Variants in ARNT2 observed in about 807,000 individuals in gnomAD.
The protein encoded by ARNT2 is ARNT protein 2.
Under a neutral mutation model 91.7 loss-of-function variants are expected in ARNT2, and 36 were observed. The observed-to-expected ratio is 0.39, with a 90% confidence interval of 0.30 to 0.52. The LOEUF is 0.52. Among genes scored for constraint, ARNT2 ranks in the 20% least tolerant of loss-of-function variants. The probability of loss-of-function intolerance (pLI) is 0.72; values close to 1 mark genes in which losing one functional copy is unlikely to be tolerated. For missense variants in ARNT2, 775 were observed against 939.3 expected (o/e 0.83, Z 2.29); for synonymous variants, 365 against 347.1 (o/e 1.05, Z -0.57).
At chr15:80,582,467 G>GCCTGGGTGACACAGTGAGAC (rs1207687025) in intron 17 of ARNT2, among the ~76,000 whole-genome samples, 1 of 152,052 alleles carries the variant, frequency 6.6e-6, no homozygotes, top group Non-Finnish European at 1.5e-5. Context: ...CTGCACTCCA[G>GCCTGGGTGACACAGTGAGAC]CCTGGGTGAC....
chr15:80,593,109 G>GTTT (rs1893310012), intron 18 of ARNT2, among the ~76,000 whole-genome samples: 1 of 152,214 alleles, frequency 6.6e-6, no homozygotes, highest in Admixed American at 6.5e-5. Flanking sequence ...GAGGCCCAGA[G>GTTT]GACTGGAAAG....
intron 12 of ARNT2, among the ~76,000 whole-genome samples, chr15:80,566,182 C>T (rs1444307405): frequency 5.3e-5 from 8 of 149,698 alleles, no homozygotes; most frequent in Non-Finnish European, 1.2e-4. Context: ...AGCGACTTGG[C>T]AGTTTCTTGG....
At chr15:80,416,374 A>G (rs150554564) in intron 1 of ARNT2, among the ~76,000 whole-genome samples, 1 of 152,146 alleles carries the variant, frequency 6.6e-6, no homozygotes, top group East Asian at 1.9e-4. Flanking sequence ...CTAACTCTAA[A>G]TGCTTCAAGG....
intron 3 of ARNT2, among the ~76,000 whole-genome samples, chr15:80,460,663 G>A (rs548230589): frequency 7.9e-5 from 12 of 152,220 alleles, no homozygotes; most frequent in South Asian, 2.1e-4. Context: ...ACGGGGACCC[G>A]GGGGACAGAA....
intron 1 of ARNT2, among the ~76,000 whole-genome samples, chr15:80,446,737 C>G (rs1347600529): frequency 1.3e-5 from 2 of 149,814 alleles, no homozygotes; most frequent in Non-Finnish European, 3.0e-5. Flanking sequence ...TGGCAGAGTG[C>G]TGGAAACACA....
At chr15:80,553,566 G>C (rs894690007) in intron 10 of ARNT2, among the ~76,000 whole-genome samples, 11 of 151,994 alleles carry the variant, frequency 7.2e-5, no homozygotes, top group Non-Finnish European at 1.3e-4. Flanking sequence ...AAGAAATTAA[G>C]TATATTAAGT....
chr15:80,592,900 A>G (rs1333403474), intron 18 of ARNT2, among the ~76,000 whole-genome samples: 1 of 152,240 alleles, frequency 6.6e-6, no homozygotes, highest in African/African-American at 2.4e-5. Flanking sequence ...TGCAGGACGT[A>G]TCAGAGCTTT....
At chr15:80,466,965 A>T (rs187531591) in intron 3 of ARNT2, among the ~76,000 whole-genome samples, 1 of 152,244 alleles carries the variant, frequency 6.6e-6, no homozygotes, top group Non-Finnish European at 1.5e-5. Context: ...CCATATGAAG[A>T]TTTTTCACCT....
At chr15:80,455,023 C>T (rs2141383358) in intron 2 of ARNT2, among the ~76,000 whole-genome samples, 1 of 152,200 alleles carries the variant, frequency 6.6e-6, no homozygotes, top group South Asian at 2.1e-4. Flanking sequence ...TATCCAGATG[C>T]TGCTGTGTAA....
intron 17 of ARNT2, among the ~76,000 whole-genome samples, chr15:80,581,887 A>G (rs1434784504): frequency 5.3e-5 from 8 of 152,176 alleles, no homozygotes; most frequent in Non-Finnish European, 7.3e-5. Context: ...TGTCCTGTGC[A>G]TTTCTCAGGA....
chr15:80,530,595 GAT>G (rs1387601368), intron 8 of ARNT2, among the ~76,000 whole-genome samples: 2 of 152,108 alleles, frequency 1.3e-5, no homozygotes, highest in African/African-American at 4.8e-5. Flanking sequence ...TGCCAGGGCT[GAT>G]ATATATGTTT....
At chr15:80,524,116 T>C (rs1057315174) in intron 8 of ARNT2, among the ~76,000 whole-genome samples, 2 of 152,114 alleles carry the variant, frequency 1.3e-5, no homozygotes, top group Non-Finnish European at 2.9e-5. Flanking sequence ...ATGAACAGGG[T>C]GCTAAAAAAT....
At chr15:80,447,141 AACAC>A (rs141530902) in intron 1 of ARNT2, among the ~76,000 whole-genome samples, 4 of 150,166 alleles carry the variant, frequency 2.7e-5, no homozygotes, top group African/African-American at 7.3e-5. Flanking sequence ...CTGTGCATAT[AACAC>A]ACACACACAC....
intron 1 of ARNT2, among the ~76,000 whole-genome samples, chr15:80,448,836 T>G (rs1896343691): frequency 2.0e-5 from 3 of 152,010 alleles, no homozygotes; most frequent in Admixed American, 2.0e-4. Flanking sequence ...ACAAAAAAAA[T>G]TAGCCGGGCA....
chr15:80,586,408 C>T (rs1898901024), intron 17 of ARNT2, among the ~76,000 whole-genome samples: 1 of 152,160 alleles, frequency 6.6e-6, no homozygotes. Flanking sequence ...CAGGTCGATA[C>T]AGATTAAATC....
chr15:80,500,656 A>G (rs142874700), intron 5 of ARNT2, among the ~76,000 whole-genome samples: 4 of 152,318 alleles, frequency 2.6e-5, no homozygotes, highest in African/African-American at 4.8e-5. Context: ...CTGCCCATCA[A>G]AAAAGATGCT....
At position 80,423,776 on chromosome 15, in the gene ARNT2, CAGAG is replaced by C. The variant is rs3054951; in HGVS notation, c.31+19251_31+19254del. On this transcript the variant is annotated intron_variant, in intron 1 of 18. Transcript: ENST00000303329. ...TGTGTGAAAGAGAGGGAGAAAGAGG[CAGAG>C]AGAGAGAGAGAGAGAGAGAGTCATA... Among the ~76,000 whole-genome samples the C allele has an allele frequency of 3.0e-4, 45 of 148,598 alleles. 1 individual carries two copies. In the South Asian group the frequency reaches 4.3e-3, roughly 14 times the overall value.
chr15:80,560,715 G>A (rs2141464911), intron 11 of ARNT2, among the ~76,000 whole-genome samples: 1 of 152,362 alleles, frequency 6.6e-6, no homozygotes, highest in South Asian at 2.1e-4. Flanking sequence ...CAGACACAGA[G>A]AAGTCCCTCT....
chr15:80,451,734 C>T (rs900450014), intron 2 of ARNT2, among the ~76,000 whole-genome samples: 29 of 151,896 alleles, frequency 1.9e-4, no homozygotes, highest in Admixed American at 8.5e-4. Context: ...ACCAACCAAC[C>T]AACCAATCAA....
Sources: allele counts gnomAD v4.1 joint callset (sites outside exome capture counted in the v4.1 genomes callset), GRCh38; gene constraint gnomAD v4.1.1; transcripts MANE v1.5; gene names NCBI Gene and HGNC (gene_info 2026-07-23, HGNC 2026-07-21).